OCA2: variants seen among roughly 807,000 people sequenced by gnomAD.
OCA2 encodes the protein P protein.
Under a neutral mutation model 100.2 loss-of-function variants are expected in OCA2, and 77 were observed. The ratio of observed to expected loss-of-function variants is 0.77; its 90% confidence interval spans 0.64 to 0.93. The LOEUF is 0.93. Among genes scored for constraint, OCA2 ranks in the 40% least tolerant of loss-of-function variants. OCA2 has a pLI of 0.00. For missense variants in OCA2, 1,062 were observed against 1,089.1 expected (o/e 0.98, Z 0.35); for synonymous variants, 432 against 439.2 (o/e 0.98, Z 0.21).
At chr15:28,004,422 G>C (rs1327714825) in intron 9 of OCA2, among the ~76,000 whole-genome samples, 2 of 152,198 alleles carry the variant, frequency 1.3e-5, no homozygotes, top group Non-Finnish European at 2.9e-5. Context: ...TTCCAAGCTG[G>C]GCTGCAGGGG....
At chr15:27,837,802 A>G (rs1169883670) in intron 23 of OCA2, among the ~76,000 whole-genome samples, 1 of 151,846 alleles carries the variant, frequency 6.6e-6, no homozygotes, top group Non-Finnish European at 1.5e-5. Flanking sequence ...GGGGAAGGGG[A>G]AAAACAGTGA....
intron 1 of OCA2, among the ~76,000 whole-genome samples, chr15:28,083,208 C>T (rs992799122): frequency 2.6e-5 from 4 of 152,214 alleles, no homozygotes; most frequent in African/African-American, 9.6e-5. Context: ...TGCTGTGACT[C>T]AAAGCAAGTA....
chr15:28,073,135 A>T (rs1192766334), intron 2 of OCA2, among the ~76,000 whole-genome samples: 1 of 152,130 alleles, frequency 6.6e-6, no homozygotes, highest in Admixed American at 6.5e-5. Flanking sequence ...TAAAATCCGC[A>T]GGGCACGGTG....
At chr15:27,916,467 G>A (rs2038668292) in intron 19 of OCA2, among the ~76,000 whole-genome samples, 2 of 152,064 alleles carry the variant, frequency 1.3e-5, no homozygotes, top group South Asian at 4.1e-4. Flanking sequence ...GAATCATCCA[G>A]AAATTTTTAA....
At chr15:27,887,839 TC>T (rs928440610) in intron 19 of OCA2, among the ~76,000 whole-genome samples, 7 of 149,260 alleles carry the variant, frequency 4.7e-5, no homozygotes, top group Non-Finnish European at 8.9e-5. Flanking sequence ...GGGGAACATG[TC>T]CCCCTGTCAA....
Position 28,096,567 on chromosome 15 carries a change from C to A in OCA2, c.-22+2657G>T, listed in dbSNP as rs2044988066. 3.9e-5 allele frequency among the ~76,000 whole-genome samples: 6 copies of A among 152,306 alleles called. No homozygotes were observed. The South Asian group carries it at 1.2e-3, about 32-fold the overall frequency. The stretch of plus-strand genomic sequence containing the variant: ...GGTCCTGGGCTGAGACAGGGGTGTC[C>A]CGCTGAGGGCAGTGTAGGGTGCGGT... On this transcript the variant is annotated intron_variant, in intron 1 of 23. Transcript: ENST00000354638.
chr15:27,980,503 T>C (rs1483356951), intron 14 of OCA2, among the ~76,000 whole-genome samples: 1 of 152,238 alleles, frequency 6.6e-6, no homozygotes, highest in Non-Finnish European at 1.5e-5. Flanking sequence ...TGAAGATCCA[T>C]GTTTCCATTT....
At position 27,913,893 on chromosome 15, in the gene OCA2, AAGCAAGCAAGCAAGC is replaced by A. The variant is rs1374074535; in HGVS notation, c.2079+12219_2079+12233del. On this transcript the variant is annotated intron_variant, in intron 19 of 23. Transcript: ENST00000354638. ...AAAGAAAGAAAGAAAGAAAGAAAGA[AAGCAAGCAAGCAAGC>A]AAGCAAGCAAGCAAGCAAGCAAGAA... Among the ~76,000 whole-genome samples the A allele has an allele frequency of 1.8e-4, 5 of 28,464 alleles. 2 individuals carry two copies. Among genetic ancestry groups the A allele is most frequent in the African/African-American group, 1.0e-3 (5 of 4,890 alleles). The allele number at this position is 28,464 out of a possible 152,430, so 18.7% of individuals were successfully genotyped here. A position where few individuals can be genotyped will look rare whatever the true frequency, so the allele number is the denominator to read the frequency against.
intron 19 of OCA2, among the ~76,000 whole-genome samples, chr15:27,912,829 A>G (rs914009736): frequency 8.5e-5 from 13 of 152,226 alleles, no homozygotes; most frequent in African/African-American, 2.9e-4. Context: ...CCACTTCACA[A>G]TACAGAAACC....
intron 20 of OCA2, among the ~76,000 whole-genome samples, chr15:27,871,630 A>C (rs1010652618): frequency 2.6e-5 from 4 of 152,252 alleles, no homozygotes; most frequent in Admixed American, 2.0e-4. Context: ...ACTCCTTCTC[A>C]GACAGGCTTT....
intron 23 of OCA2, among the ~76,000 whole-genome samples, chr15:27,788,075 G>T (rs538975380): frequency 6.6e-6 from 1 of 151,364 alleles, no homozygotes; most frequent in South Asian, 2.1e-4. Flanking sequence ...GTTCTATTGT[G>T]GTCAGATGAC....
chr15:27,819,367 GA>G (rs1004176070), intron 23 of OCA2, among the ~76,000 whole-genome samples: 1 of 152,194 alleles, frequency 6.6e-6, no homozygotes, highest in Non-Finnish European at 1.5e-5. Flanking sequence ...CATGTCACAG[GA>G]GGCAGGGGAC....
intron 19 of OCA2, among the ~76,000 whole-genome samples, chr15:27,920,183 G>A (rs1460847665): frequency 6.6e-6 from 1 of 152,134 alleles, no homozygotes; most frequent in Non-Finnish European, 1.5e-5. Context: ...TTTTTTAAAT[G>A]TGATTCAACT....
chr15:27,928,410 T>G (rs2039123390), intron 18 of OCA2, among the ~76,000 whole-genome samples: 1 of 152,136 alleles, frequency 6.6e-6, no homozygotes, highest in South Asian at 2.1e-4. Context: ...TGACTATAGA[T>G]GCTATAGATA....
intron 18 of OCA2, among the ~76,000 whole-genome samples, chr15:27,935,282 T>C (rs1387296490): frequency 6.6e-6 from 1 of 152,238 alleles, no homozygotes; most frequent in Non-Finnish European, 1.5e-5. Flanking sequence ...ATCAAACGCT[T>C]TCCTCGAGTG....
chr15:27,895,679 T>C (rs891413979), intron 19 of OCA2: 45 of 197,866 alleles, frequency 2.3e-4, no homozygotes, highest in Non-Finnish European at 4.6e-4. Context: ...TGTTGATCCA[T>C]GGATGGGGAT....
At chr15:27,779,364 C>T (rs968646660) in intron 23 of OCA2, among the ~76,000 whole-genome samples, 4 of 152,088 alleles carry the variant, frequency 2.6e-5, no homozygotes, top group African/African-American at 7.2e-5. Context: ...GGAGTATTAA[C>T]GTTTCCTACT....
intron 18 of OCA2, among the ~76,000 whole-genome samples, chr15:27,951,480 A>G (rs1481610014): frequency 6.6e-6 from 1 of 152,224 alleles, no homozygotes; most frequent in Non-Finnish European, 1.5e-5. Context: ...GTTATTAACT[A>G]CAATAGACAG....
chr15:27,995,763 T>C (rs952676877), intron 9 of OCA2, among the ~76,000 whole-genome samples: 1 of 151,094 alleles, frequency 6.6e-6, no homozygotes, highest in African/African-American at 2.4e-5. Context: ...TAGAAATTCA[T>C]AACAGAAGGA....
Sources: gnomAD v4.1 joint callset for allele counts (sites outside exome capture counted in the v4.1 genomes callset) on GRCh38, gnomAD v4.1.1 for gene constraint, MANE v1.5 for transcripts, NCBI Gene and HGNC (gene_info 2026-07-23, HGNC 2026-07-21) for gene names.